Variants in MAP3K15 observed in about 807,000 individuals in gnomAD.
MAP3K15 encodes the protein mitogen-activated protein kinase kinase kinase 15, also known as MAPK/ERK kinase kinase 15.
A neutral mutation model predicts 99.5 loss-of-function variants in MAP3K15; 124 were observed. That is an observed-to-expected ratio of 1.25 (90% CI 1.08 to 1.45). The LOEUF is 1.45. Ranked by LOEUF, MAP3K15 falls within the 40% of genes most tolerant of loss-of-function variation. The pLI, the probability that MAP3K15 is intolerant of heterozygous loss-of-function variation, is 0.00. For missense variants in MAP3K15, 1,242 were observed against 1,079.7 expected, an observed-to-expected ratio of 1.15 and a Z score of -2.11; for synonymous variants, 494 against 439.6, an observed-to-expected ratio of 1.12 and a Z score of -1.55.
Position 19,370,992 on chromosome X carries a change from C to A in MAP3K15, c.3367G>T (p.Ala1123Ser). 1 of 1,175,961 alleles carries A rather than the reference C, an allele frequency of 8.5e-7. No homozygotes were observed. Among genetic ancestry groups the A allele is most frequent in the Non-Finnish European group, 1.1e-6 (1 of 883,878 alleles). The change falls in exon 24 of 29, where the codon GCG becomes TCG. Residue 1123 changes from alanine (A) to serine (S), a missense_variant. Coordinates refer to ENST00000338883, the MANE Select transcript of MAP3K15 (RefSeq NM_001001671.4). The stretch of plus-strand genomic sequence containing the variant: ...AGAATGGTGACCGCGGCCTGCACCG[C>A]TCGGCGGATGATGTTGTCCATCGCG... ...MFAMDNIIRR[A>S]VQAAVTILIP... is the part of the protein sequence containing the mutation.
intron 3 of MAP3K15, among the ~76,000 whole-genome samples, chrX:19,479,642 C>T (rs2064275541): frequency 8.9e-6 from 1 of 112,331 alleles, no homozygotes; most frequent in African/African-American, 3.2e-5. Context: ...TGCCTATGGA[C>T]TATGTACACT....
At chrX:19,465,676 C>T (rs1233360486) in intron 3 of MAP3K15, among the ~76,000 whole-genome samples, 1 of 110,324 alleles carries the variant, frequency 9.1e-6, no homozygotes, top group African/African-American at 3.3e-5. Flanking sequence ...ATCACTTGAA[C>T]CCAGGAGGCG....
intron 9 of MAP3K15, among the ~76,000 whole-genome samples, chrX:19,418,265 A>G (rs1173295437): frequency 9.0e-6 from 1 of 111,418 alleles, no homozygotes. Context: ...GGAAGTTCGA[A>G]CCCATGGCAA....
intron 9 of MAP3K15, among the ~76,000 whole-genome samples, chrX:19,423,808 C>A (rs7890362): frequency 0.071 from 7,919 of 111,395 alleles, 695 homozygotes; most frequent in African/African-American, 0.24. Flanking sequence ...TATGATTCAT[C>A]TTCGGGGCCC....
chrX:19,465,830 G>GGTGTGTGTGTGTGTGT (rs10589040), intron 3 of MAP3K15, among the ~76,000 whole-genome samples: 13 of 94,007 alleles, frequency 1.4e-4, no homozygotes, highest in South Asian at 5.5e-4. Flanking sequence ...GGTGTGTAGG[G>GGTGTGTGTGTGTGTGT]GTGTGTGTGT....
Position 19,431,549 on chromosome X carries a change from C to T in MAP3K15, c.1055G>A (p.Ser352Asn). ...ALQIMLQVLQ[S>N]CDHPGPDMFC... Reference sequence around the variant, plus strand: ...CATGTCGGGGCCCGGGTGATCACAGCTCTGCAGAACCTGGAGCATGATCTG... The same window carrying T: ...CATGTCGGGGCCCGGGTGATCACAGTTCTGCAGAACCTGGAGCATGATCTG... The change falls in exon 7 of 29, where the codon AGC becomes AAC. Residue 352 changes from serine to asparagine, a missense_variant. Ser to Asn is a conservative substitution (Grantham distance 46). Transcript: ENST00000338883. 5 of 1,200,045 alleles carry T rather than the reference C, an allele frequency of 4.2e-6. No individual in the cohort carries two copies. The highest frequency in any genetic ancestry group is 5.6e-6 in the Non-Finnish European group (5 of 894,954).
intron 21 of MAP3K15, chrX:19,373,216 A>C: frequency 1.2e-5 from 2 of 171,328 alleles, no homozygotes; most frequent in Admixed American, 9.1e-5. Flanking sequence ...ATGCAGGGAC[A>C]GAGGGGGCAA....
At chrX:19,496,887 C>A (rs112464005) in intron 1 of MAP3K15, 1 of 108,333 alleles carries the variant, frequency 9.2e-6, no homozygotes, top group Non-Finnish European at 1.9e-5. Flanking sequence ...GTCCCCTACG[C>A]TTCCTCAGCA....
chrX:19,443,982 C>T (rs903123629), intron 6 of MAP3K15, among the ~76,000 whole-genome samples: 2 of 110,990 alleles, frequency 1.8e-5, no homozygotes, highest in South Asian at 3.8e-4. Context: ...CTCCACTTAC[C>T]GGGCCATCCT....
intron 19 of MAP3K15, chrX:19,376,630 A>G (rs906367548): frequency 1.8e-5 from 2 of 110,901 alleles, no homozygotes; most frequent in Non-Finnish European, 3.8e-5. Flanking sequence ...TCTTTTGTAG[A>G]CACGGGGTCT....
intron 6 of MAP3K15, among the ~76,000 whole-genome samples, chrX:19,440,808 T>G (rs946466974): frequency 7.1e-5 from 8 of 112,702 alleles, no homozygotes; most frequent in African/African-American, 2.6e-4. Flanking sequence ...ATTTGCAAGT[T>G]GTAGCAGCAT....
chrX:19,461,802 C>A (rs759925940), intron 4 of MAP3K15, among the ~76,000 whole-genome samples: 4 of 110,466 alleles, frequency 3.6e-5, no homozygotes, highest in African/African-American at 1.3e-4. Context: ...ACCAGCCTGG[C>A]CAACGTGGTG....
chrX:19,423,983 C>T (rs1170642519), intron 9 of MAP3K15, among the ~76,000 whole-genome samples: 3 of 111,355 alleles, frequency 2.7e-5, no homozygotes, highest in Non-Finnish European at 5.7e-5. Context: ...TGTTGTCACA[C>T]ATTTTTGCTG....
intron 1 of MAP3K15, among the ~76,000 whole-genome samples, chrX:19,512,497 C>T (rs1381788897): frequency 9.0e-6 from 1 of 111,182 alleles, no homozygotes; most frequent in African/African-American, 3.3e-5. Context: ...TATTTAGAGA[C>T]AGGGTCTCGA....
intron 6 of MAP3K15, among the ~76,000 whole-genome samples, chrX:19,436,445 C>T (rs761782198): frequency 1.7e-4 from 19 of 111,505 alleles, no homozygotes; most frequent in Non-Finnish European, 3.0e-4. Flanking sequence ...GATCTTTTCA[C>T]ATTGGAGTGT....
chrX:19,489,298 G>A (rs2064350746), intron 1 of MAP3K15, among the ~76,000 whole-genome samples: 1 of 111,114 alleles, frequency 9.0e-6, no homozygotes, highest in African/African-American at 3.3e-5. Flanking sequence ...ATAATGCAAC[G>A]AAAAACCATG....
In MAP3K15 at chrX:19,464,213, C is replaced by G. The variant is rs1224425924; in HGVS notation, c.719G>C (p.Cys240Ser). The change falls in exon 4 of 29, where the codon TGT (cysteine) becomes TCT (serine). Residue 240 changes from cysteine to serine, a missense_variant and splice_region_variant. Physicochemically the swap from Cys to Ser is moderately radical, Grantham distance 112. Transcript: ENST00000338883. The stretch of plus-strand genomic sequence containing the variant: ...GTTACTGGTGGCAGATGGGAATTAC[C>G]ATGAGGTCACGTGGATGTCCTTAAG... ...SLLKDIHVTS[C>S]VYYKETLLND... 2 of 1,188,832 alleles carry G rather than the reference C, an allele frequency of 1.7e-6. No individual in the cohort carries two copies. The highest frequency in any genetic ancestry group is 2.3e-6 in the Non-Finnish European group (2 of 888,396).
chrX:19,515,290 C>T lies in MAP3K15; in HGVS notation c.-29G>A, dbSNP rs2064555072. 9 of 862,502 alleles carry T rather than the reference C, an allele frequency of 1.0e-5. No homozygotes were observed. Among genetic ancestry groups the T allele is most frequent in the Non-Finnish European group, 1.3e-5 (9 of 705,245 alleles). The allele number at this position is 862,502 out of a possible 1,213,427, so 71.1% of individuals were successfully genotyped here. A position where few individuals can be genotyped will look rare whatever the true frequency, so the allele number is the denominator to read the frequency against. ...CCCGCCTGCGCGCCCTTCCCCTGGGCGAGTGGCCAGCGGCTGCGATCCGCT... is the reference window on the plus strand; with the variant it reads ...CCCGCCTGCGCGCCCTTCCCCTGGGTGAGTGGCCAGCGGCTGCGATCCGCT... On this transcript the variant is annotated 5_prime_UTR_variant, in exon 1 of 29. Coordinates refer to ENST00000338883, the MANE Select transcript of MAP3K15 (RefSeq NM_001001671.4).
chrX:19,390,505 A>G lies in MAP3K15; in HGVS notation c.2431+1497T>C, dbSNP rs2063520293. ...ACTATATAATATATGTTATATACAT[A>G]TATTATATATAATCATTATGTATTA... is the stretch of plus-strand genomic sequence containing the variant. On this transcript the variant is annotated intron_variant, in intron 18 of 28. Coordinates refer to ENST00000338883, the MANE Select transcript of MAP3K15 (RefSeq NM_001001671.4). 4.9e-5 allele frequency among the ~76,000 whole-genome samples: 5 copies of G among 102,900 alleles called. No individual in the cohort carries two copies. In the South Asian group the frequency reaches 2.1e-3, roughly 42 times the overall value. The allele number at this position is 102,900 out of a possible 115,157, so 89.4% of individuals were successfully genotyped here.
Sources: allele counts gnomAD v4.1 joint callset (sites outside exome capture counted in the v4.1 genomes callset), GRCh38; gene constraint gnomAD v4.1.1; transcripts MANE v1.5; gene names NCBI Gene and HGNC (gene_info 2026-07-23, HGNC 2026-07-21).